Variants in TBC1D2B observed in about 807,000 individuals in gnomAD.
The protein encoded by TBC1D2B is TBC1 domain family member 2B, also known as TBC1 domain family, member 2B.
Under a neutral mutation model 100.8 loss-of-function variants are expected in TBC1D2B, and 64 were observed. The ratio of observed to expected loss-of-function variants is 0.64; its 90% confidence interval spans 0.52 to 0.78. TBC1D2B has a LOEUF of 0.78. TBC1D2B is among the 30% of genes least tolerant of loss of function. The pLI is 0.00. For synonymous variants in TBC1D2B, 480 were observed against 479.7 expected (o/e 1.00, Z -0.01); for missense variants, 1,052 against 1,218.4 (o/e 0.86, Z 2.03).
intron 3 of TBC1D2B, among the ~76,000 whole-genome samples, chr15:78,034,992 T>G (rs1047154542): frequency 7.6e-6 from 1 of 132,156 alleles, no homozygotes; most frequent in African/African-American, 2.7e-5. Context: ...AATGGAGGCG[T>G]TTTTTTAGCT....
rs934967827 is a variant in TBC1D2B, at chr15:78,077,606, TCGCCGC to T, written c.41_46del (p.Gly14_Gly15del). 3 of 1,047,282 alleles carry T rather than the reference TCGCCGC, an allele frequency of 2.9e-6. No homozygotes were observed. Among genetic ancestry groups the T allele is most frequent in the Admixed American group, 1.2e-4 (2 of 16,674 alleles). The allele number at this position is 1,047,282 out of a possible 1,614,324, so 64.9% of individuals were successfully genotyped here. A position where few individuals can be genotyped will look rare whatever the true frequency, so the allele number is the denominator to read the frequency against. On this transcript the variant is annotated inframe_deletion, in exon 1 of 13. Transcript: ENST00000300584. ...CGCGGCCGCCCCCTGCGCCGCGCCC[TCGCCGC>T]CGCCGCCGCCCTCCTCCGCCCGGGC... is the stretch of plus-strand genomic sequence containing the variant.
chr15:78,026,980 A>C (rs1430647640), intron 4 of TBC1D2B, among the ~76,000 whole-genome samples: 3 of 151,852 alleles, frequency 2.0e-5, no homozygotes, highest in Non-Finnish European at 4.4e-5. Flanking sequence ...CAGCTATTGG[A>C]GGCTAAGGCA....
chr15:78,039,718 A>G (rs560328923), intron 3 of TBC1D2B, among the ~76,000 whole-genome samples: 6 of 151,036 alleles, frequency 4.0e-5, no homozygotes, highest in Non-Finnish European at 7.4e-5. Flanking sequence ...TAACCTTAAC[A>G]CTCACTCCCA....
At chr15:77,999,481 C>T (rs889784226) in intron 12 of TBC1D2B, 17 of 299,254 alleles carry the variant, frequency 5.7e-5, no homozygotes, top group South Asian at 2.1e-4. Flanking sequence ...TTCTGGAACA[C>T]GGGAGCACCA....
intron 1 of TBC1D2B, chr15:78,066,133 G>A: frequency 2.1e-6 from 1 of 466,964 alleles, no homozygotes; most frequent in Non-Finnish European, 4.5e-6. Flanking sequence ...GCTCAGGAAG[G>A]AACCCTAGCA....
chr15:77,998,397 C>T (rs2071821201), intron 12 of TBC1D2B, 42 bp from the exon 13 acceptor site: 1 of 1,515,310 alleles, frequency 6.6e-7, no homozygotes, highest in Non-Finnish European at 8.9e-7. Flanking sequence ...CAGCGGCGCT[C>T]CAGAGAGTGC....
intron 4 of TBC1D2B, 76 bp downstream of exon 4, chr15:78,029,931 T>C (rs2072766226): frequency 8.0e-7 from 1 of 1,249,650 alleles, no homozygotes; most frequent in Non-Finnish European, 1.1e-6. Context: ...TACCTGCTAA[T>C]AATGTGTCTC....
chr15:77,995,158 G>C lies in TBC1D2B; in HGVS notation c.*3002C>G, dbSNP rs1245737067. The C allele has an allele frequency of 6.6e-6, 1 of 152,188 alleles. No individual in the cohort carries two copies. The allele number at this position is 152,188 out of a possible 1,614,324, so 9.4% of individuals were successfully genotyped here. A position where few individuals can be genotyped will look rare whatever the true frequency, so the allele number is the denominator to read the frequency against. ...GTTCAGTGGCACACAGTGGGTCTCT[G>C]TATGGCCTCCCACCTGCAAGGACTT... On this transcript the variant is annotated 3_prime_UTR_variant, in exon 13 of 13. Coordinates refer to ENST00000300584, the MANE Select transcript of TBC1D2B (RefSeq NM_144572.2).
chr15:78,025,474 A>T lies in TBC1D2B; in HGVS notation c.871T>A (p.Phe291Ile). 6.2e-7 allele frequency: 1 copy of T among 1,613,382 alleles called. No individual in the cohort carries two copies. The highest frequency in any genetic ancestry group is 8.5e-7 in the Non-Finnish European group (1 of 1,179,654). ...NKGVTGSGFPFDFGRNPYKGK... is the reference protein window; with the variant it reads ...NKGVTGSGFPIDFGRNPYKGK... ...TTGTAGGGGTTACGTCCAAAATCAAAGGGGAATCCTGAGCCAGTTACTCCT... is the reference window on the plus strand; with the variant it reads ...TTGTAGGGGTTACGTCCAAAATCAATGGGGAATCCTGAGCCAGTTACTCCT... The change falls in exon 5 of 13, where the codon TTT becomes ATT. Residue 291 changes from phenylalanine to isoleucine, a missense_variant. Transcript: ENST00000300584.
Position 78,024,301 on chromosome 15 carries a change from A to G in TBC1D2B, c.1325T>C (p.Met442Thr), listed in dbSNP as rs1167340480. The G allele has an allele frequency of 1.9e-6, 3 of 1,614,050 alleles. No homozygotes were observed. Among genetic ancestry groups the G allele is most frequent in the Middle Eastern group, 1.6e-4 (1 of 6,062 alleles). ...KVGELNEQLG[M>T]LMETIQAKDE... ...CTTGGCTTGGATGGTCTCCATGAGC[A>G]TTCCCAGCTGCTCGTTGAGCTCGCC... Residue 442 changes from methionine to threonine, a missense_variant, in exon 6 of 13, where the codon ATG becomes ACG. Coordinates refer to ENST00000300584, the MANE Select transcript of TBC1D2B (RefSeq NM_144572.2).
At chr15:78,058,973 G>A (rs1282606491) in intron 1 of TBC1D2B, among the ~76,000 whole-genome samples, 1 of 151,918 alleles carries the variant, frequency 6.6e-6, no homozygotes, top group Non-Finnish European at 1.5e-5. Flanking sequence ...ACCCTTCAAG[G>A]TCCAATGCAA....
At chr15:78,054,540 A>G (rs1170953549) in intron 1 of TBC1D2B, among the ~76,000 whole-genome samples, 3 of 152,250 alleles carry the variant, frequency 2.0e-5, no homozygotes, top group African/African-American at 7.2e-5. Context: ...AAAATCTGAC[A>G]TAGGTATGAA....
chr15:78,041,964 C>T (rs888257747), intron 3 of TBC1D2B, among the ~76,000 whole-genome samples: 4 of 152,162 alleles, frequency 2.6e-5, no homozygotes, highest in African/African-American at 9.7e-5. Flanking sequence ...AAATGAGAAA[C>T]GGAGGCACAG....
chr15:78,057,281 G>A (rs1329309199), intron 1 of TBC1D2B, among the ~76,000 whole-genome samples: 1 of 152,000 alleles, frequency 6.6e-6, no homozygotes, highest in Non-Finnish European at 1.5e-5. Context: ...CAATAAGATG[G>A]GCAAAATCTG....
chr15:78,027,621 C>G (rs568096364), intron 4 of TBC1D2B, among the ~76,000 whole-genome samples: 1 of 152,166 alleles, frequency 6.6e-6, no homozygotes, highest in Admixed American at 6.5e-5. Context: ...GGCTGTCATC[C>G]GTCAAGAAAA....
At chr15:78,001,806 C>T (rs914416374) in intron 11 of TBC1D2B, 66 bp from the exon 12 acceptor site, 19 of 1,527,882 alleles carry the variant, frequency 1.2e-5, no homozygotes, top group Non-Finnish European at 1.3e-5. Context: ...AGGCTGGACT[C>T]CAGGGGGGTG....
chr15:78,007,832 G>A (rs1291367365), intron 10 of TBC1D2B, among the ~76,000 whole-genome samples: 1 of 152,184 alleles, frequency 6.6e-6, no homozygotes, highest in African/African-American at 2.4e-5. Context: ...TGGGCACAGA[G>A]GAGACAAAGC....
intron 10 of TBC1D2B, among the ~76,000 whole-genome samples, chr15:78,007,187 T>A (rs969745512): frequency 3.9e-5 from 6 of 152,172 alleles, no homozygotes; most frequent in Non-Finnish European, 7.4e-5. Flanking sequence ...ACACGCCCCA[T>A]CAGCGGGCAG....
intron 1 of TBC1D2B, among the ~76,000 whole-genome samples, chr15:78,054,475 T>C (rs1238775309): frequency 6.6e-6 from 1 of 152,248 alleles, no homozygotes; most frequent in African/African-American, 2.4e-5. Flanking sequence ...TAGGAAGATG[T>C]GATAATACTG....
Sources: gnomAD v4.1 joint callset for allele counts (sites outside exome capture counted in the v4.1 genomes callset) on GRCh38, gnomAD v4.1.1 for gene constraint, MANE v1.5 for transcripts, NCBI Gene and HGNC (gene_info 2026-07-23, HGNC 2026-07-21) for gene names.